Variants in CRACD observed in about 807,000 individuals in gnomAD.
The protein encoded by CRACD is capping protein-inhibiting regulator of actin dynamics.
Under a neutral mutation model 106.8 loss-of-function variants are expected in CRACD, and 56 were observed. The ratio of observed to expected loss-of-function variants is 0.52; its 90% CI spans 0.42 to 0.66. The LOEUF (loss-of-function observed/expected upper bound fraction) is 0.66, where lower values mean the gene tolerates loss of function less well. Ranked by LOEUF, CRACD falls within the 30% of genes least tolerant of loss-of-function variation. The pLI is 0.00. For synonymous variants in CRACD, 754 were observed against 670.8 expected (o/e 1.12, Z -1.92); for missense variants, 1,730 against 1,623.2 (o/e 1.07, Z -1.13).
At chr4:56,087,838 C>G (rs1733281162) in intron 1 of CRACD, among the ~76,000 whole-genome samples, 3 of 152,146 alleles carry the variant, frequency 2.0e-5, no homozygotes, top group Admixed American at 2.0e-4. Context: ...ACATGAACAT[C>G]TTCCTAAGGA....
chr4:56,075,735 G>A (rs1732818439), intron 1 of CRACD, among the ~76,000 whole-genome samples: 1 of 152,136 alleles, frequency 6.6e-6, no homozygotes, highest in Admixed American at 6.5e-5. Flanking sequence ...ATCTAAATAT[G>A]AGGTCTTTCG....
intron 10 of CRACD, 81 bp downstream of exon 10, chr4:56,324,347 G>T: frequency 7.6e-7 from 1 of 1,323,106 alleles, no homozygotes; most frequent in South Asian, 1.5e-5. Context: ...ACAGTGTAAT[G>T]ACTAGCAGAG....
chr4:56,055,698 A>T (rs746256505), intron 1 of CRACD, among the ~76,000 whole-genome samples: 3 of 152,092 alleles, frequency 2.0e-5, no homozygotes, highest in Admixed American at 6.5e-5. Flanking sequence ...TTTATTTACG[A>T]TGCACCTGGC....
intron 1 of CRACD, among the ~76,000 whole-genome samples, chr4:56,134,873 C>T (rs1293181004): frequency 6.6e-6 from 1 of 151,678 alleles, no homozygotes; most frequent in Non-Finnish European, 1.5e-5. Context: ...GGCTGATTGC[C>T]TGGAGAGAGT....
chr4:56,255,407 T>G (rs1741299509), intron 2 of CRACD, among the ~76,000 whole-genome samples: 1 of 152,080 alleles, frequency 6.6e-6, no homozygotes, highest in Non-Finnish European at 1.5e-5. Context: ...AAGGCACTAA[T>G]GTAAAGACAT....
intron 1 of CRACD, among the ~76,000 whole-genome samples, chr4:56,049,551 G>A (rs1049602906): frequency 6.6e-6 from 1 of 152,126 alleles, no homozygotes; most frequent in Non-Finnish European, 1.5e-5. Flanking sequence ...GGAACCTGCC[G>A]CCGGGCTGCA....
chr4:56,240,418 C>T (rs1740295726), intron 2 of CRACD, among the ~76,000 whole-genome samples: 1 of 152,106 alleles, frequency 6.6e-6, no homozygotes, highest in Non-Finnish European at 1.5e-5. Flanking sequence ...TTCCTGTTTG[C>T]CTTTTTTTCT....
intron 1 of CRACD, among the ~76,000 whole-genome samples, chr4:56,151,028 G>T (rs58254121): frequency 6.6e-6 from 1 of 151,992 alleles, no homozygotes; most frequent in Non-Finnish European, 1.5e-5. Flanking sequence ...ACGAAGTGTC[G>T]CTCTGTTGTC....
At chr4:56,173,044 C>T (rs977914860) in intron 1 of CRACD, among the ~76,000 whole-genome samples, 1 of 152,248 alleles carries the variant, frequency 6.6e-6, no homozygotes, top group African/African-American at 2.4e-5. Context: ...GCGTGAGCCA[C>T]CGCACCCGGC....
Position 56,316,227 on chromosome 4 carries a change from G to A in CRACD, c.2725G>A (p.Glu909Lys). The A allele has an allele frequency of 9.3e-6, 15 of 1,613,996 alleles. No homozygotes were observed. Among genetic ancestry groups the A allele is most frequent in the Non-Finnish European group, 1.2e-5 (14 of 1,179,880 alleles). The change falls in exon 8 of 11, where the codon GAG becomes AAG. Residue 909 changes from glutamate to lysine, a missense_variant. Glu to Lys is a moderately conservative substitution (Grantham distance 56, BLOSUM62 1). Around this residue, in one of 5 missense-constraint regions of CRACD, gnomAD observed 1,620 missense variants for 1,481.6 expected, o/e 1.09. Transcript: ENST00000682029. ...CAAGCATGGTCCATCCCTCCCCCAAGAGCGGAAGCAAGCCCCTTCCACCCG... is the reference window on the plus strand; with the variant it reads ...CAAGCATGGTCCATCCCTCCCCCAAAAGCGGAAGCAAGCCCCTTCCACCCG... ...ALKHGPSLPQERKQAPSTRRD... is the reference protein window; with the variant it reads ...ALKHGPSLPQKRKQAPSTRRD...
chr4:56,206,452 G>C (rs1168642619), intron 2 of CRACD, among the ~76,000 whole-genome samples: 1 of 152,182 alleles, frequency 6.6e-6, no homozygotes, highest in East Asian at 1.9e-4. Context: ...AGCCATAAAC[G>C]TAATGGCAGA....
chr4:56,283,887 A>G (rs1254505482), intron 3 of CRACD, among the ~76,000 whole-genome samples: 6 of 152,238 alleles, frequency 3.9e-5, no homozygotes, highest in Non-Finnish European at 7.3e-5. Flanking sequence ...GGTTTGAAAT[A>G]GAAAGTGGGA....
chr4:56,267,538 G>T (rs1319264542), intron 2 of CRACD, among the ~76,000 whole-genome samples: 2 of 152,174 alleles, frequency 1.3e-5, no homozygotes, highest in Non-Finnish European at 2.9e-5. Context: ...TAAGACTTTG[G>T]AGCAGACTTT....
chr4:56,275,852 A>G (rs1742643390), intron 3 of CRACD, among the ~76,000 whole-genome samples: 1 of 152,226 alleles, frequency 6.6e-6, no homozygotes, highest in African/African-American at 2.4e-5. Context: ...TCCTAATTAG[A>G]ACTGCCTGAA....
chr4:56,236,884 A>G (rs1215435991), intron 2 of CRACD, among the ~76,000 whole-genome samples: 3 of 152,222 alleles, frequency 2.0e-5, no homozygotes, highest in African/African-American at 7.2e-5. Flanking sequence ...ATTTTCCACC[A>G]ATCAGAGATG....
Position 56,314,550 on chromosome 4 carries a change from G to GAGGA in CRACD, c.1055_1058dup (p.Cys354LysfsTer15). The GAGGA allele has an allele frequency of 6.6e-7, 1 of 1,508,796 alleles. No homozygotes were observed. The highest frequency in any genetic ancestry group is 8.8e-7 in the Non-Finnish European group (1 of 1,131,850). 93.5% of individuals were successfully genotyped at this position (1,508,796 alleles called of 1,614,324 possible). The stretch of plus-strand genomic sequence containing the variant: ...GGAGGAGCGGAGGCGGCAGGAGGAG[G>GAGGA]AGGAAGGAAGATGCGCGGAGGAGCT... On this transcript the variant is annotated frameshift_variant, in exon 8 of 11. Transcript: ENST00000682029. LOFTEE classifies it high-confidence loss of function. This position sits in a 1 kb window ranked among gnomAD's most constrained non-coding sequence, Gnocchi z 4.4.
At chr4:56,276,295 T>G (rs2109659071) in intron 3 of CRACD, among the ~76,000 whole-genome samples, 1 of 152,288 alleles carries the variant, frequency 6.6e-6, no homozygotes, top group Non-Finnish European at 1.5e-5. Flanking sequence ...TAAATAGGTT[T>G]GGGGAATTCT....
At chr4:56,214,675 C>CTT (rs1326712395) in intron 2 of CRACD, among the ~76,000 whole-genome samples, 1 of 70,208 alleles carries the variant, frequency 1.4e-5, no homozygotes, top group East Asian at 5.2e-4. Context: ...CTCTCTCTCT[C>CTT]TCTCTCTATA....
intron 2 of CRACD, among the ~76,000 whole-genome samples, chr4:56,203,453 G>T (rs745848241): frequency 6.6e-6 from 1 of 152,168 alleles, no homozygotes; most frequent in Non-Finnish European, 1.5e-5. Flanking sequence ...CTCTTTTCAT[G>T]ATGGACCCTG....
Sources: allele counts gnomAD v4.1 joint callset (sites outside exome capture counted in the v4.1 genomes callset), GRCh38; gene constraint gnomAD v4.1.1; regional missense constraint gnomAD v4.1.1; non-coding constraint Gnocchi (gnomAD v3.1); transcripts MANE v1.5; gene names NCBI Gene and HGNC (gene_info 2026-07-23, HGNC 2026-07-21).